Variants in FRMPD4 observed in about 807,000 individuals in gnomAD.
FRMPD4 encodes FERM and PDZ domain-containing protein 4.
Under a neutral mutation model 94.1 loss-of-function variants are expected in FRMPD4, and 22 were observed. That is an observed-to-expected ratio of 0.23 (90% CI 0.17 to 0.33). The LOEUF (loss-of-function observed/expected upper bound fraction) is 0.33, where lower values mean the gene tolerates loss of function less well. FRMPD4 is among the 10% of genes least tolerant of loss of function. The pLI, the probability that FRMPD4 is intolerant of heterozygous loss-of-function variation, is 1.00. For missense variants in FRMPD4, 1,111 were observed against 1,339.9 expected (o/e 0.83, Z 2.67); for synonymous variants, 631 against 548.6 (o/e 1.15, Z -2.10).
chrX:12,542,216 A>G (rs1010935507), intron 2 of FRMPD4, among the ~76,000 whole-genome samples: 1 of 112,206 alleles, frequency 8.9e-6, no homozygotes. Flanking sequence ...CCTATTCAAC[A>G]TAGTGTTGGA....
intron 3 of FRMPD4, among the ~76,000 whole-genome samples, chrX:11,956,268 A>G (rs1055586041): frequency 2.7e-5 from 3 of 111,528 alleles, no homozygotes; most frequent in Non-Finnish European, 5.6e-5. Flanking sequence ...TGTTCTCCCC[A>G]TTCTTCTTAT....
intron 1 of FRMPD4, among the ~76,000 whole-genome samples, chrX:12,243,787 G>C (rs1350931721): frequency 1.2e-5 from 1 of 81,895 alleles, no homozygotes; most frequent in Non-Finnish European, 2.3e-5. Flanking sequence ...TCCATCTAAA[G>C]GGCTTTTTTT....
chrX:12,104,512 A>G (rs776851920), intron 3 of FRMPD4, among the ~76,000 whole-genome samples: 1 of 112,787 alleles, frequency 8.9e-6, no homozygotes, highest in African/African-American at 3.2e-5. Context: ...TTCTATCATT[A>G]TATAATGTAT....
intron 1 of FRMPD4, among the ~76,000 whole-genome samples, chrX:12,266,361 T>C (rs1223237676): frequency 9.0e-6 from 1 of 110,980 alleles, no homozygotes; most frequent in Non-Finnish European, 1.9e-5. Context: ...GGTTTACTTT[T>C]CTGAATTCCC....
chrX:12,562,849 C>T (rs902141944), intron 2 of FRMPD4, among the ~76,000 whole-genome samples: 10 of 111,826 alleles, frequency 8.9e-5, no homozygotes, highest in Admixed American at 4.7e-4. Flanking sequence ...ATTGTCTTGC[C>T]GTGTTGCCCA....
intron 4 of FRMPD4, among the ~76,000 whole-genome samples, chrX:12,643,061 C>A (rs889665925): frequency 9.0e-6 from 1 of 111,631 alleles, no homozygotes; most frequent in Admixed American, 9.5e-5. Flanking sequence ...CTGGTCTACA[C>A]CATGAAAAGA....
intron 3 of FRMPD4, among the ~76,000 whole-genome samples, chrX:11,934,864 G>C (rs982015464): frequency 9.1e-6 from 1 of 109,332 alleles, no homozygotes; most frequent in South Asian, 3.9e-4. Context: ...AGACAAGATC[G>C]TTTTGTTGTT....
chrX:12,199,359 C>G (rs2147714656), intron 1 of FRMPD4, among the ~76,000 whole-genome samples: 1 of 108,982 alleles, frequency 9.2e-6, no homozygotes, highest in African/African-American at 3.4e-5. Context: ...CTGCTCCTTT[C>G]CATTCTGAGA....
At chrX:12,413,503 C>G (rs2056760905) in intron 1 of FRMPD4, among the ~76,000 whole-genome samples, 2 of 111,779 alleles carry the variant, frequency 1.8e-5, no homozygotes, top group Admixed American at 1.9e-4. Flanking sequence ...TTGAAACATG[C>G]AAAGGCAAAG....
intron 2 of FRMPD4, among the ~76,000 whole-genome samples, chrX:12,548,360 A>G (rs1301128655): frequency 8.9e-6 from 1 of 112,624 alleles, no homozygotes; most frequent in Non-Finnish European, 1.9e-5. Context: ...CCAGCCCTCT[A>G]CATTGTGCTT....
chrX:12,321,985 G>T (rs1406106337), intron 1 of FRMPD4, among the ~76,000 whole-genome samples: 1 of 111,877 alleles, frequency 8.9e-6, no homozygotes, highest in East Asian at 2.8e-4. Context: ...AGGGGGCCTG[G>T]GTAGATGCTG....
At chrX:12,632,745 A>C (rs1422779425) in intron 4 of FRMPD4, among the ~76,000 whole-genome samples, 1 of 111,982 alleles carries the variant, frequency 8.9e-6, no homozygotes, top group Non-Finnish European at 1.9e-5. Context: ...ATAATGTACT[A>C]GCAGAGACCA....
chrX:12,315,555 G>T (rs781289320), intron 1 of FRMPD4, among the ~76,000 whole-genome samples: 9 of 111,699 alleles, frequency 8.1e-5, no homozygotes, highest in African/African-American at 2.9e-4. Context: ...GGGTATGTAG[G>T]TGCCTGAGAA....
intron 3 of FRMPD4, among the ~76,000 whole-genome samples, chrX:12,104,035 C>T (rs980663793): frequency 1.2e-4 from 14 of 112,044 alleles, no homozygotes; most frequent in African/African-American, 4.5e-4. Flanking sequence ...CTTTGTGCTG[C>T]ATCATCCCAT....
intron 1 of FRMPD4, among the ~76,000 whole-genome samples, chrX:12,432,520 C>T (rs2057020769): frequency 9.0e-6 from 1 of 111,614 alleles, no homozygotes; most frequent in Admixed American, 9.5e-5. Context: ...TCCAAAATCA[C>T]CCAAATGGCT....
chrX:12,133,804 C>A (rs1260221568), upstream of FRMPD4, among the ~76,000 whole-genome samples: 1 of 111,446 alleles, frequency 9.0e-6, no homozygotes. Flanking sequence ...TTTCCCTGCC[C>A]TCACACTCAC....
intron 3 of FRMPD4, among the ~76,000 whole-genome samples, chrX:11,976,040 T>C (rs934473580): frequency 1.8e-5 from 2 of 111,689 alleles, no homozygotes; most frequent in African/African-American, 6.5e-5. Flanking sequence ...GAATTTTCAG[T>C]GTTGTGGCAG....
At chrX:12,683,625 G>A in intron 6 of FRMPD4, 38 bp downstream of exon 6, 1 of 691,108 alleles carries the variant, frequency 1.4e-6, no homozygotes, top group Non-Finnish European at 2.3e-6. Flanking sequence ...CTCAGGGAGA[G>A]TCAATGAGGC....
intron 1 of FRMPD4, among the ~76,000 whole-genome samples, chrX:12,192,844 G>C (rs1207923727): frequency 9.0e-6 from 1 of 111,536 alleles, no homozygotes; most frequent in Non-Finnish European, 1.9e-5. Flanking sequence ...CTGATCCAGG[G>C]ACCACACTTT....
Sources: gnomAD v4.1 joint callset for allele counts (sites outside exome capture counted in the v4.1 genomes callset) on GRCh38, gnomAD v4.1.1 for gene constraint, MANE v1.5 for transcripts, NCBI Gene and HGNC (gene_info 2026-07-23, HGNC 2026-07-21) for gene names.